The following PDE8B variants were observed in gnomAD, a reference collection of about 807,000 sequenced individuals.
PDE8B encodes high affinity cAMP-specific and IBMX-insensitive 3',5'-cyclic phosphodiesterase 8B.
Under a neutral mutation model 101.3 loss-of-function variants are expected in PDE8B, and 26 were observed. That is an observed-to-expected ratio of 0.26 (90% CI 0.19 to 0.36). The LOEUF is 0.36. PDE8B is among the 10% of genes least tolerant of loss of function. The pLI, the probability that PDE8B is intolerant of heterozygous loss-of-function variation, is 1.00. For missense variants in PDE8B, 810 were observed against 1,163.1 expected (o/e 0.70, Z 4.42); for synonymous variants, 424 against 429.3 (o/e 0.99, Z 0.15).
At chr5:77,406,847 C>T (rs1793564013) in intron 12 of PDE8B, among the ~76,000 whole-genome samples, 2 of 152,286 alleles carry the variant, frequency 1.3e-5, no homozygotes, top group South Asian at 2.1e-4. Context: ...CTAGAACTTC[C>T]ATGGGTTTCT....
chr5:77,424,380 G>C (rs372313753), intron 20 of PDE8B, among the ~76,000 whole-genome samples: 1 of 152,198 alleles, frequency 6.6e-6, no homozygotes, highest in South Asian at 2.1e-4. Context: ...ACCTAAAAAT[G>C]AAAGTTACAA....
chr5:77,261,768 C>A (rs1250633710), intron 1 of PDE8B, among the ~76,000 whole-genome samples: 1 of 152,234 alleles, frequency 6.6e-6, no homozygotes, highest in East Asian at 1.9e-4. Flanking sequence ...TCCTGATGTG[C>A]TTCTAAATCC....
chr5:77,186,284 A>G, the PDE8B span, among the ~76,000 whole-genome samples: 2 of 152,254 alleles, frequency 1.3e-5, no homozygotes, highest in Non-Finnish European at 2.9e-5. Flanking sequence ...TTAAAGTCAT[A>G]GGTTCCTAAT....
At position 77,210,938 on chromosome 5, in the gene PDE8B, C is replaced by G; in HGVS notation, c.13C>G (p.Pro5Ala). 1.3e-6 allele frequency: 2 copies of G among 1,497,258 alleles called. No homozygotes were observed. Among genetic ancestry groups the G allele is most frequent in the Non-Finnish European group, 1.8e-6 (2 of 1,130,694 alleles). 92.7% of individuals were successfully genotyped at this position (1,497,258 alleles called of 1,614,324 possible). A position where few individuals can be genotyped will look rare whatever the true frequency, so the allele number is the denominator to read the frequency against. MGCAPSIHVSQSGVI... is the reference protein window; with the variant it reads MGCAASIHVSQSGVI... ...GCCCGGCCGAGGGATGGGCTGCGCC[C>G]CCAGCATCCATGTCTCGCAGAGCGG... Residue 5 changes from proline (P) to alanine (A), a missense_variant, in exon 1 of 22, where the codon CCC (proline) becomes GCC (alanine). Physicochemically the swap from Pro to Ala is conservative, Grantham distance 27 (BLOSUM62 -1). Transcript: ENST00000264917. This position sits in a 1 kb window ranked among gnomAD's most constrained non-coding sequence, Gnocchi z 4.9.
In PDE8B at chr5:77,412,227, G is replaced by T. The variant is rs781307632; in HGVS notation, c.1704G>T (p.Thr568=). 1 of 1,613,870 alleles carries T rather than the reference G, an allele frequency of 6.2e-7. No individual in the cohort carries two copies. The highest frequency in any genetic ancestry group is 2.2e-5 in the East Asian group (1 of 44,882). ...DFNIFELEAI[T]HKRPLVYLGL... is the part of the protein sequence containing the mutation. ...ACATCTTTGAATTGGAAGCCATTACGCATAAAAGGTATGTGACTTCTCTGG... is the reference window on the plus strand; with the variant it reads ...ACATCTTTGAATTGGAAGCCATTACTCATAAAAGGTATGTGACTTCTCTGG... Residue 568 remains threonine (T), a synonymous_variant, in exon 16 of 22, where the codon ACG becomes ACT. Coordinates refer to ENST00000264917, the MANE Select transcript of PDE8B (RefSeq NM_003719.5).
At chr5:77,193,429 A>G in the PDE8B span, among the ~76,000 whole-genome samples, 1 of 152,320 alleles carries the variant, frequency 6.6e-6, no homozygotes, top group East Asian at 1.9e-4. Context: ...TGTTGAAAAG[A>G]CTATACTTTC....
At chr5:77,423,378 G>C (rs1307979479) in intron 20 of PDE8B, among the ~76,000 whole-genome samples, 1 of 152,164 alleles carries the variant, frequency 6.6e-6, no homozygotes, top group Non-Finnish European at 1.5e-5. Flanking sequence ...TATATACCCA[G>C]TAATGGGACG....
the PDE8B span, among the ~76,000 whole-genome samples, chr5:77,103,232 G>A: frequency 6.6e-6 from 1 of 152,162 alleles, no homozygotes; most frequent in African/African-American, 2.4e-5. Flanking sequence ...TGATCAGGTT[G>A]TGGAAATGAA....
intron 10 of PDE8B, among the ~76,000 whole-genome samples, chr5:77,393,720 A>G (rs1790434030): frequency 6.6e-6 from 1 of 152,216 alleles, no homozygotes; most frequent in Non-Finnish European, 1.5e-5. Context: ...CCTTGAGACT[A>G]AGGATTCCCC....
intron 2 of PDE8B, among the ~76,000 whole-genome samples, chr5:77,320,778 A>G (rs1434034769): frequency 1.3e-5 from 2 of 152,192 alleles, no homozygotes; most frequent in African/African-American, 4.8e-5. Context: ...TGATTTTTCA[A>G]AAATATATTT....
intron 2 of PDE8B, among the ~76,000 whole-genome samples, chr5:77,322,705 C>T (rs1190375460): frequency 6.6e-6 from 1 of 152,236 alleles, no homozygotes; most frequent in African/African-American, 2.4e-5. Context: ...CTTCCTTCTG[C>T]TGCCGGCACC....
intron 1 of PDE8B, among the ~76,000 whole-genome samples, chr5:77,294,660 CA>C (rs969420478): frequency 4.5e-4 from 65 of 144,818 alleles, no homozygotes; most frequent in South Asian, 1.5e-3. Flanking sequence ...GAAATAAAAG[CA>C]AAAAAAAATC....
chr5:77,214,505 G>A (rs963686202), intron 1 of PDE8B, among the ~76,000 whole-genome samples: 2 of 152,170 alleles, frequency 1.3e-5, no homozygotes, highest in African/African-American at 4.8e-5. Context: ...TAATGAGGAG[G>A]ATAAATCTCC....
At position 77,291,559 on chromosome 5, in the gene PDE8B, A is replaced by G. The variant is rs878918632; in HGVS notation, c.340-20435A>G. 31 of 1,600,138 alleles carry G rather than the reference A, an allele frequency of 1.9e-5. No homozygotes were observed. The African/African-American group carries it at 3.4e-4, about 17-fold the overall frequency. On this transcript the variant is annotated intron_variant, in intron 1 of 21. Coordinates refer to ENST00000264917, the MANE Select transcript of PDE8B (RefSeq NM_003719.5). ...GTAAAACAGAGACTTTCAAGTAGCA[A>G]CTTTACCAAAGATCTGGGCAGAATC...
intron 1 of PDE8B, among the ~76,000 whole-genome samples, chr5:77,237,441 C>T (rs1244600614): frequency 6.6e-6 from 1 of 152,054 alleles, no homozygotes; most frequent in Non-Finnish European, 1.5e-5. Context: ...GATTATCACA[C>T]ACACACTTAA....
At chr5:77,424,819 G>GTTTTTTTTTTT (rs912849753) in intron 20 of PDE8B, among the ~76,000 whole-genome samples, 5 of 110,042 alleles carry the variant, frequency 4.5e-5, no homozygotes, top group Admixed American at 9.4e-5. Context: ...CTGTTTTTTT[G>GTTTTTTTTTTT]TTTTTTGTTT....
intron 18 of PDE8B, 142 bp downstream of exon 18, chr5:77,418,588 T>C (rs531351774): frequency 2.4e-5 from 17 of 715,888 alleles, no homozygotes; most frequent in Middle Eastern, 3.5e-4. Flanking sequence ...CTTAACTTAA[T>C]TTGACTTTTC....
At chr5:77,277,999 A>G (rs188467252) in intron 1 of PDE8B, among the ~76,000 whole-genome samples, 1 of 152,278 alleles carries the variant, frequency 6.6e-6, no homozygotes, top group African/African-American at 2.4e-5. Flanking sequence ...CATGGTTTGG[A>G]GGCTGTTGAG....
the PDE8B span, among the ~76,000 whole-genome samples, chr5:77,196,904 G>C: frequency 6.6e-6 from 1 of 151,838 alleles, no homozygotes; most frequent in Non-Finnish European, 1.5e-5. Flanking sequence ...ATTTCTTCTT[G>C]AGTATTTCTT....
Sources: gnomAD v4.1 joint callset for allele counts (sites outside exome capture counted in the v4.1 genomes callset) on GRCh38, gnomAD v4.1.1 for gene constraint, Gnocchi (gnomAD v3.1) non-coding constraint, MANE v1.5 for transcripts, NCBI Gene and HGNC (gene_info 2026-07-23, HGNC 2026-07-21) for gene names.